GLRA2: variants seen among roughly 807,000 people sequenced by gnomAD.
GLRA2 encodes the protein glycine receptor alpha 2, also known as glycine receptor subunit alpha-2.
GLRA2 carries 11 observed loss-of-function variants against 31.6 expected under a neutral mutation model. That is an observed-to-expected ratio of 0.35 (90% CI 0.22 to 0.58). The LOEUF (loss-of-function observed/expected upper bound fraction) is 0.58. GLRA2 is among the 20% of genes least tolerant of loss of function. The pLI is 0.84. For missense variants in GLRA2, 212 were observed against 351.8 expected, an observed-to-expected ratio of 0.60 and a Z score of 3.18; for synonymous variants, 132 against 134.0, an observed-to-expected ratio of 0.99 and a Z score of 0.10.
chrX:14,452,923 C>T, the GLRA2 span, among the ~76,000 whole-genome samples: 1 of 111,968 alleles, frequency 8.9e-6, no homozygotes, highest in East Asian at 2.8e-4. Flanking sequence ...TTTGCTTCTG[C>T]CTGAGACTAG....
chrX:14,498,617 T>C, the GLRA2 span, among the ~76,000 whole-genome samples: 1 of 111,388 alleles, frequency 9.0e-6, no homozygotes, highest in Admixed American at 9.6e-5. Context: ...ATAGAAAAAA[T>C]TGAATTATTC....
the GLRA2 span, among the ~76,000 whole-genome samples, chrX:14,454,039 C>A: frequency 9.0e-6 from 1 of 110,609 alleles, no homozygotes; most frequent in Non-Finnish European, 1.9e-5. Context: ...GGAGAGGGAG[C>A]GTAGTAGAAA....
intron 4 of GLRA2, among the ~76,000 whole-genome samples, chrX:14,586,373 T>C (rs1279603014): frequency 8.9e-6 from 1 of 112,547 alleles, no homozygotes; most frequent in African/African-American, 3.2e-5. Flanking sequence ...TTCTTTAATA[T>C]TCATTCTCTA....
At chrX:14,469,104 A>G in the GLRA2 span, among the ~76,000 whole-genome samples, 2,718 of 111,148 alleles carry the variant, frequency 0.024, 105 homozygotes, top group African/African-American at 0.084. Flanking sequence ...ATTTTCTCCC[A>G]TTCTGTAGGT....
At chrX:14,622,368 T>C (rs778232405) in intron 7 of GLRA2, among the ~76,000 whole-genome samples, 87 of 112,133 alleles carry the variant, frequency 7.8e-4, no homozygotes, top group Non-Finnish European at 8.3e-4. Flanking sequence ...TTAGTTTAAT[T>C]AGATCCCATT....
At chrX:14,551,684 A>G (rs371905630) in intron 2 of GLRA2, among the ~76,000 whole-genome samples, 1 of 112,097 alleles carries the variant, frequency 8.9e-6, no homozygotes, top group African/African-American at 3.2e-5. Context: ...ATGCCCTTTC[A>G]TATGAGATTT....
At chrX:14,580,455 C>T (rs2090004491) in intron 3 of GLRA2, among the ~76,000 whole-genome samples, 1 of 111,226 alleles carries the variant, frequency 9.0e-6, no homozygotes, top group Non-Finnish European at 1.9e-5. Context: ...AGTCACTGCC[C>T]CCAAGCTATT....
chrX:14,652,541 T>C (rs1236436992), intron 7 of GLRA2, among the ~76,000 whole-genome samples: 1 of 112,045 alleles, frequency 8.9e-6, no homozygotes, highest in Non-Finnish European at 1.9e-5. Context: ...TGTCATATTT[T>C]AGTAATTCTC....
intron 7 of GLRA2, among the ~76,000 whole-genome samples, chrX:14,613,773 G>A (rs774618811): frequency 1.0e-3 from 113 of 110,907 alleles, no homozygotes; most frequent in Non-Finnish European, 1.9e-3. Context: ...TTCAGTTCCA[G>A]AGGGTCTGAA....
chrX:14,582,916 T>C (rs1240654053), intron 4 of GLRA2, among the ~76,000 whole-genome samples: 1 of 112,317 alleles, frequency 8.9e-6, no homozygotes, highest in Non-Finnish European at 1.9e-5. Context: ...CAAAAATAGA[T>C]GGTGGACTGG....
chrX:14,553,095 T>C (rs752431924), intron 2 of GLRA2, among the ~76,000 whole-genome samples: 1 of 111,888 alleles, frequency 8.9e-6, no homozygotes, highest in East Asian at 2.8e-4. Context: ...GACAACCGTA[T>C]TCGGCTTATT....
At chrX:14,462,985 A>G in the GLRA2 span, among the ~76,000 whole-genome samples, 1 of 111,589 alleles carries the variant, frequency 9.0e-6, no homozygotes, top group Non-Finnish European at 1.9e-5. Flanking sequence ...TTGTGGTTTT[A>G]TCTACCTTTG....
intron 4 of GLRA2, among the ~76,000 whole-genome samples, chrX:14,590,875 A>G (rs749488973): frequency 1.8e-5 from 2 of 112,012 alleles, no homozygotes; most frequent in African/African-American, 6.5e-5. Flanking sequence ...GGAAACCACA[A>G]TGATTCCATT....
chrX:14,529,365 T>TC (rs1283683038), upstream of GLRA2: 1 of 107,586 alleles, frequency 9.3e-6, no homozygotes, highest in East Asian at 3.0e-4. Context: ...CCCTTCAGTA[T>TC]CCCCTCGCTG....
chrX:14,625,640 T>C (rs1369283233), intron 7 of GLRA2, among the ~76,000 whole-genome samples: 1 of 111,648 alleles, frequency 9.0e-6, no homozygotes, highest in East Asian at 2.8e-4. Flanking sequence ...AAATTCTGGG[T>C]TGAAAATTCT....
At chrX:14,625,825 A>C (rs928409548) in intron 7 of GLRA2, among the ~76,000 whole-genome samples, 1 of 111,490 alleles carries the variant, frequency 9.0e-6, no homozygotes, top group Non-Finnish European at 1.9e-5. Flanking sequence ...TGTTTTCACT[A>C]TGTTTACTAT....
At chrX:14,525,821 A>G (rs1601678304), upstream of GLRA2, among the ~76,000 whole-genome samples, 1 of 112,043 alleles carries the variant, frequency 8.9e-6, no homozygotes, top group African/African-American at 3.2e-5. Context: ...CTATTTGTGG[A>G]CTATACATAT....
the GLRA2 span, among the ~76,000 whole-genome samples, chrX:14,457,151 T>C: frequency 2.7e-5 from 3 of 111,897 alleles, no homozygotes; most frequent in African/African-American, 9.8e-5. Flanking sequence ...AAATATTTCT[T>C]GGCCGTTTGT....
chrX:14,589,483 C>A (rs2090117521), intron 4 of GLRA2, among the ~76,000 whole-genome samples: 1 of 86,173 alleles, frequency 1.2e-5, no homozygotes. Context: ...AATGGTGAAA[C>A]CCCATCTGTA....
Sources: allele counts gnomAD v4.1 joint callset (sites outside exome capture counted in the v4.1 genomes callset), GRCh38; gene constraint gnomAD v4.1.1; transcripts MANE v1.5; gene names NCBI Gene and HGNC (gene_info 2026-07-23, HGNC 2026-07-21).